KLRB1: variants seen among roughly 807,000 people sequenced by gnomAD.
The protein encoded by KLRB1 is killer cell lectin-like receptor subfamily B member 1.
Under a neutral mutation model 33.5 loss-of-function variants are expected in KLRB1, and 27 were observed. That is an observed-to-expected ratio of 0.81 (90% CI 0.59 to 1.11). The LOEUF (loss-of-function observed/expected upper bound fraction) is 1.11. Ranked by LOEUF, KLRB1 falls within the 50% of genes most tolerant of loss-of-function variation. KLRB1 has a pLI of 0.00. For synonymous variants in KLRB1, 64 were observed against 88.9 expected (o/e 0.72, Z 1.58); for missense variants, 241 against 254.1 (o/e 0.95, Z 0.35).
At chr12:9,599,023 CA>C (rs1398718705) in intron 3 of KLRB1, among the ~76,000 whole-genome samples, 1 of 152,184 alleles carries the variant, frequency 6.6e-6, no homozygotes, top group African/African-American at 2.4e-5. Flanking sequence ...TTAAATTCAT[CA>C]CCAGTGCCTG....
At chr12:9,606,629 T>C (rs975703595) in intron 1 of KLRB1, among the ~76,000 whole-genome samples, 1 of 144,254 alleles carries the variant, frequency 6.9e-6, no homozygotes, top group Non-Finnish European at 1.5e-5. Context: ...TGAAGTATGT[T>C]ACTCATTAAG....
chr12:9,599,234 T>C (rs1864518439), intron 3 of KLRB1, among the ~76,000 whole-genome samples: 1 of 152,204 alleles, frequency 6.6e-6, no homozygotes, highest in Non-Finnish European at 1.5e-5. Flanking sequence ...CCAGAAGGAC[T>C]TTCAGGTTTT....
intron 5 of KLRB1, among the ~76,000 whole-genome samples, chr12:9,596,485 C>T (rs890921427): frequency 6.6e-6 from 1 of 152,112 alleles, no homozygotes; most frequent in Non-Finnish European, 1.5e-5. Context: ...TCTCCTGTAG[C>T]CCCCAAAATA....
chr12:9,602,864 C>G (rs1864560079), intron 1 of KLRB1, among the ~76,000 whole-genome samples: 1 of 152,128 alleles, frequency 6.6e-6, no homozygotes, highest in Non-Finnish European at 1.5e-5. Context: ...GAAGCCATTT[C>G]TACTTTTAAT....
Position 9,601,067 on chromosome 12 carries a change from C to T in KLRB1, c.184+434G>A, listed in dbSNP as rs377116712. Among the ~76,000 whole-genome samples the T allele has an allele frequency of 6.3e-4, 60 of 95,900 alleles. 2 individuals are homozygous for T. In the East Asian group the frequency reaches 0.017, roughly 27 times the overall value. The allele number at this position is 95,900 out of a possible 152,430, so 62.9% of individuals were successfully genotyped here. A position where few individuals can be genotyped will look rare whatever the true frequency, so the allele number is the denominator to read the frequency against. ...GCCTTAGGGCTGGAGGTAGGACCTGCGGGCAGCAATACTGCTTTGTAAAGC... is the reference window on the plus strand; with the variant it reads ...GCCTTAGGGCTGGAGGTAGGACCTGTGGGCAGCAATACTGCTTTGTAAAGC... On this transcript the variant is annotated intron_variant, in intron 2 of 5. Coordinates refer to ENST00000229402, the MANE Select transcript of KLRB1 (RefSeq NM_002258.3).
intron 1 of KLRB1, among the ~76,000 whole-genome samples, chr12:9,604,579 G>C (rs958938777): frequency 6.6e-6 from 1 of 152,054 alleles, no homozygotes; most frequent in South Asian, 2.1e-4. Flanking sequence ...TTTTCATTTC[G>C]ATGTGTTTGC....
At chr12:9,600,032 G>A (rs915226762) in intron 2 of KLRB1, among the ~76,000 whole-genome samples, 191 bp from the exon 3 acceptor site, 7 of 149,486 alleles carry the variant, frequency 4.7e-5, no homozygotes, top group Non-Finnish European at 1.0e-4. Context: ...AAACAAATAA[G>A]AAAAAACAAA....
intron 1 of KLRB1, among the ~76,000 whole-genome samples, chr12:9,602,284 ACAT>A (rs1257191759): frequency 9.2e-5 from 14 of 152,218 alleles, no homozygotes; most frequent in African/African-American, 3.4e-4. Context: ...CTCTGTAATC[ACAT>A]CAATTACTAT....
intron 3 of KLRB1, 89 bp downstream of exon 3, chr12:9,599,678 A>G (rs949197626): frequency 9.5e-6 from 8 of 845,220 alleles, no homozygotes; most frequent in African/African-American, 5.0e-5. Context: ...ATCTTAACAT[A>G]TGGATTGTTA....
intron 1 of KLRB1, among the ~76,000 whole-genome samples, chr12:9,601,887 GA>G (rs1478670544): frequency 6.6e-6 from 1 of 152,206 alleles, no homozygotes; most frequent in Non-Finnish European, 1.5e-5. Flanking sequence ...GAGATAGATA[GA>G]AAGATGTTTT....
intron 1 of KLRB1, among the ~76,000 whole-genome samples, chr12:9,605,296 A>G (rs1013125192): frequency 2.6e-4 from 40 of 152,198 alleles, no homozygotes; most frequent in Admixed American, 2.5e-3. Flanking sequence ...CGCAATAAAC[A>G]TACGTGTGCA....
Position 9,598,094 on chromosome 12 carries a change from G to A in KLRB1, c.482C>T (p.Ser161Leu). 1.3e-6 allele frequency: 2 copies of A among 1,596,828 alleles called. No individual in the cohort carries two copies. The highest frequency in any genetic ancestry group is 1.1e-5 in the South Asian group (1 of 87,804). ...GTTTATCCACTTCCAGTTCTTTTCTGATAATGAAAAATTTAATCCAATCCA... is the reference window on the plus strand; with the variant it reads ...GTTTATCCACTTCCAGTTCTTTTCTAATAATGAAAAATTTAATCCAATCCA... ...LFWIGLNFSL[S>L]EKNWKWINGS... Residue 161 changes from serine (S) to leucine (L), a missense_variant, in exon 5 of 6, where the codon TCA (serine) becomes TTA (leucine). Ser to Leu is a moderately radical substitution (Grantham distance 145). Coordinates refer to ENST00000229402, the MANE Select transcript of KLRB1 (RefSeq NM_002258.3).
At position 9,607,332 on chromosome 12, in the gene KLRB1, T is replaced by TTTCC. The variant is rs200381621; in HGVS notation, c.85+419_85+422dup. On this transcript the variant is annotated intron_variant, in intron 1 of 5. Transcript: ENST00000229402. Reference sequence around the variant, plus strand: ...TTCTTTCTTCTTTTCTTTCTCTTTCTTTCCTTTCTTTCTTTCTTTCTTCCT... The same window carrying TTTCC: ...TTCTTTCTTCTTTTCTTTCTCTTTCTTTCCTTCCTTTCTTTCTTTCTTTCTTCCT... 8.9e-4 allele frequency among the ~76,000 whole-genome samples: 52 copies of TTTCC among 58,686 alleles called. 1 individual carries two copies. Among genetic ancestry groups the TTTCC allele is most frequent in the Admixed American group, 4.0e-3 (19 of 4,766 alleles). The allele number at this position is 58,686 out of a possible 152,430, so 38.5% of individuals were successfully genotyped here. A position where few individuals can be genotyped will look rare whatever the true frequency, so the allele number is the denominator to read the frequency against.
intron 2 of KLRB1, among the ~76,000 whole-genome samples, chr12:9,600,476 G>A (rs894858033): frequency 1.3e-5 from 2 of 152,168 alleles, no homozygotes; most frequent in African/African-American, 4.8e-5. Flanking sequence ...GTGGGGAAAA[G>A]CAAGAGAGAT....
intron 5 of KLRB1, 60 bp from the exon 6 acceptor site, chr12:9,595,481 T>G: frequency 1.3e-6 from 2 of 1,497,672 alleles, no homozygotes; most frequent in Non-Finnish European, 1.8e-6. Flanking sequence ...CTATTCTCAC[T>G]TAGCCATTAT....
rs371064277 is a variant in KLRB1 at position 9,599,588 on chromosome 12, G to T, written c.259+179C>A. Among the ~76,000 whole-genome samples, 8 of 152,268 alleles carry T rather than the reference G, an allele frequency of 5.3e-5. 1 individual carries two copies. The East Asian group carries it at 9.6e-4, about 18-fold the overall frequency. ...ATATAATTCCCAGCCTCATCACTTG[G>T]TGCTTATGTGACCCTCAGCAAGTTG... On this transcript the variant is annotated intron_variant, in intron 3 of 5. Transcript: ENST00000229402.
chr12:9,607,335 C>CCTTCCTTTCTTTCTTTCTTTCTTT (rs1864621978), intron 1 of KLRB1, among the ~76,000 whole-genome samples: 3 of 65,270 alleles, frequency 4.6e-5, no homozygotes, highest in African/African-American at 8.3e-5. Context: ...CTCTTTCTTT[C>CCTTCCTTTCTTTCTTTCTTTCTTT]CTTTCTTTCT....
rs1235054598 is a variant in KLRB1, at chr12:9,599,763, T to C, written c.259+4A>G. 1 of 1,575,096 alleles carries C rather than the reference T, an allele frequency of 6.3e-7. No homozygotes were observed. Among genetic ancestry groups the C allele is most frequent in the Non-Finnish European group, 8.7e-7 (1 of 1,144,900 alleles). ...TTCTTAGGAAATTGAAGCCACACAA[T>C]TACCTGTTGTTTTATTCCTGCTCTG... On this transcript the variant is annotated splice_donor_region_variant and intron_variant, in intron 3 of 5. Transcript: ENST00000229402.
At chr12:9,607,347 T>TTCCTTCCTTC (rs1565444586) in intron 1 of KLRB1, among the ~76,000 whole-genome samples, 1 of 71,252 alleles carries the variant, frequency 1.4e-5, no homozygotes, top group African/African-American at 4.7e-5. Flanking sequence ...TTTCTTTCTT[T>TTCCTTCCTTC]CTTTCTTCCT....
Sources: gnomAD v4.1 joint callset for allele counts (sites outside exome capture counted in the v4.1 genomes callset) on GRCh38, gnomAD v4.1.1 for gene constraint, MANE v1.5 for transcripts, NCBI Gene and HGNC (gene_info 2026-07-23, HGNC 2026-07-21) for gene names.